Variants in PSTPIP2 observed in about 807,000 individuals in gnomAD.
The protein encoded by PSTPIP2 is proline-serine-threonine phosphatase interacting protein 2.
A neutral mutation model predicts 63.3 loss-of-function variants in PSTPIP2; 33 were observed. The ratio of observed to expected loss-of-function variants is 0.52; its 90% CI spans 0.40 to 0.70. The LOEUF is 0.70. Ranked by LOEUF, PSTPIP2 falls within the 30% of genes least tolerant of loss-of-function variation. PSTPIP2 has a pLI of 0.00. For missense variants in PSTPIP2, 312 were observed against 400.7 expected (o/e 0.78, Z 1.89); for synonymous variants, 125 against 132.7 (o/e 0.94, Z 0.40).
chr18:45,998,896 G>A (rs1009761173), intron 7 of PSTPIP2, 57 bp from the exon 8 acceptor site: 2 of 1,580,950 alleles, frequency 1.3e-6, no homozygotes, highest in African/African-American at 2.7e-5. Context: ...GCTGGACGAG[G>A]CTTCCACAGG....
At chr18:46,043,844 T>C (rs1415023900) in intron 1 of PSTPIP2, among the ~76,000 whole-genome samples, 2 of 152,060 alleles carry the variant, frequency 1.3e-5, no homozygotes, top group Admixed American at 1.3e-4. Flanking sequence ...TATTTCTATA[T>C]ACCGGTGGAA....
At chr18:46,028,761 A>T (rs1052567617) in intron 2 of PSTPIP2, 1 of 1,043,700 alleles carries the variant, frequency 9.6e-7, no homozygotes, top group African/African-American at 1.6e-5. Context: ...TTTAAGAAGA[A>T]TTCCAGCATG....
chr18:45,998,893 G>A lies in PSTPIP2; in HGVS notation c.517-54C>T, dbSNP rs118023312. ...AGAGCAAGCATTGGGAATGCTGGACGAGGCTTCCACAGGCAAAACAGATTG... is the reference window on the plus strand; with the variant it reads ...AGAGCAAGCATTGGGAATGCTGGACAAGGCTTCCACAGGCAAAACAGATTG... On this transcript the variant is annotated intron_variant, in intron 7 of 14. Coordinates refer to ENST00000409746, the MANE Select transcript of PSTPIP2 (RefSeq NM_024430.4). The A allele has an allele frequency of 5.2e-3, 8,303 of 1,600,136 alleles. 33 individuals carry two copies. Among genetic ancestry groups the A allele is most frequent in the Non-Finnish European group, 6.2e-3 (7,272 of 1,168,852 alleles).
chr18:45,988,731 G>C lies in PSTPIP2; in HGVS notation c.984C>G (p.Asp328Glu), dbSNP rs1262749633. The C allele has an allele frequency of 3.8e-6, 6 of 1,565,998 alleles. No individual in the cohort carries two copies. The South Asian group carries it at 6.7e-5, about 17-fold the overall frequency. ...GATTTTACTGATAGAGCAAACTGTA[G>C]TCATCAACCAAAGAGTAATTGGGAT... ...PDDPNYSLVD[D>E]YSLLYQ is the part of the protein sequence containing the mutation. The change falls in exon 14 of 15, where the codon GAC becomes GAG. Residue 328 changes from aspartate to glutamate, a missense_variant. Asp to Glu is a conservative substitution (Grantham distance 45). Transcript: ENST00000409746.
chr18:46,004,428 G>A (rs546684687), intron 6 of PSTPIP2, among the ~76,000 whole-genome samples: 1 of 152,136 alleles, frequency 6.6e-6, no homozygotes, highest in East Asian at 1.9e-4. Flanking sequence ...CTAGCAACTT[G>A]TCCAATCTCT....
rs1306931177 is a variant in PSTPIP2 at position 45,984,114 on chromosome 18, C to G, written c.*1345G>C. The G allele has an allele frequency of 6.6e-6, 1 of 152,100 alleles. No homozygotes were observed. The highest frequency in any genetic ancestry group is 2.4e-5 in the African/African-American group (1 of 41,402). 9.4% of individuals were successfully genotyped at this position (152,100 alleles called of 1,614,324 possible). A position where few individuals can be genotyped will look rare whatever the true frequency, so the allele number is the denominator to read the frequency against. ...AGTGAGCTGAGATCATGCCGCTGCA[C>G]TTCAGCCTGGGGGACAGAGAGAGAC... On this transcript the variant is annotated 3_prime_UTR_variant, in exon 15 of 15. Coordinates refer to ENST00000409746, the MANE Select transcript of PSTPIP2 (RefSeq NM_024430.4).
intron 2 of PSTPIP2, among the ~76,000 whole-genome samples, chr18:46,035,146 G>T (rs765926890): frequency 1.3e-5 from 2 of 152,094 alleles, no homozygotes; most frequent in Non-Finnish European, 2.9e-5. Flanking sequence ...ATAAGGTCGG[G>T]CATGGTGGCT....
rs879368664 is a variant in PSTPIP2, at chr18:46,009,015, G to A, written c.354+2166C>T. Among the ~76,000 whole-genome samples the A allele has an allele frequency of 6.6e-5, 10 of 152,072 alleles. No homozygotes were observed. The South Asian group carries it at 8.3e-4, about 13-fold the overall frequency. ...TGTTCCCACTGTGTGTTCAGATAGC[G>A]TCTTCCTCCCCCCCATCATGTAAGG... On this transcript the variant is annotated intron_variant, in intron 5 of 14. Coordinates refer to ENST00000409746, the MANE Select transcript of PSTPIP2 (RefSeq NM_024430.4).
chr18:46,002,940 T>A (rs990703041), intron 6 of PSTPIP2, among the ~76,000 whole-genome samples: 1 of 152,234 alleles, frequency 6.6e-6, no homozygotes, highest in Non-Finnish European at 1.5e-5. Context: ...CTTTCTGGTA[T>A]GAAGAGTGAT....
intron 9 of PSTPIP2, among the ~76,000 whole-genome samples, chr18:45,996,712 CT>C (rs2051598744): frequency 6.6e-6 from 1 of 151,992 alleles, no homozygotes; most frequent in African/African-American, 2.4e-5. Flanking sequence ...GGAAGGATTG[CT>C]TGAGACCCAG....
chr18:46,021,755 G>A (rs1907361585), intron 3 of PSTPIP2, among the ~76,000 whole-genome samples: 1 of 142,182 alleles, frequency 7.0e-6, no homozygotes, highest in Non-Finnish European at 1.5e-5. Context: ...AGACCAGCCT[G>A]ACCAACGTGG....
chr18:46,037,908 A>C (rs561746024), intron 2 of PSTPIP2, among the ~76,000 whole-genome samples: 2 of 152,228 alleles, frequency 1.3e-5, no homozygotes, highest in South Asian at 4.1e-4. Context: ...ATAATCAACA[A>C]TTTTTATTCT....
At chr18:46,010,253 T>C (rs1206005590) in intron 5 of PSTPIP2, among the ~76,000 whole-genome samples, 2 of 152,198 alleles carry the variant, frequency 1.3e-5, no homozygotes, top group Non-Finnish European at 2.9e-5. Context: ...TTATCAGATA[T>C]GCTCATTGCA....
At chr18:46,060,091 T>G (rs1029785665) in intron 1 of PSTPIP2, among the ~76,000 whole-genome samples, 8 of 152,212 alleles carry the variant, frequency 5.3e-5, no homozygotes, top group African/African-American at 1.9e-4. Flanking sequence ...AATAACTTTC[T>G]TTTAAACTTA....
chr18:46,056,869 AG>A (rs1312306077), intron 1 of PSTPIP2, among the ~76,000 whole-genome samples: 1 of 152,164 alleles, frequency 6.6e-6, no homozygotes, highest in African/African-American at 2.4e-5. Flanking sequence ...TGGGAGGCCA[AG>A]GTGGGCAGAT....
At chr18:46,039,866 A>G in intron 2 of PSTPIP2, 81 bp downstream of exon 2, 1 of 1,245,546 alleles carries the variant, frequency 8.0e-7, no homozygotes, top group Non-Finnish European at 1.2e-6. Flanking sequence ...TTAAACACAA[A>G]TGAAAAAAAG....
intron 6 of PSTPIP2, 100 bp from the exon 7 acceptor site, chr18:45,999,634 C>A: frequency 8.8e-7 from 1 of 1,137,592 alleles, no homozygotes; most frequent in South Asian, 1.3e-5. Context: ...ACAGGGCCGT[C>A]TGATTAGTGC....
At chr18:46,067,026 T>A (rs1308499843) in intron 1 of PSTPIP2, among the ~76,000 whole-genome samples, 1 of 76,436 alleles carries the variant, frequency 1.3e-5, no homozygotes, top group African/African-American at 5.4e-5. Context: ...AAACTCCATC[T>A]CAAAAAAAAA....
intron 1 of PSTPIP2, among the ~76,000 whole-genome samples, chr18:46,052,140 G>A (rs1344863623): frequency 2.6e-5 from 4 of 152,200 alleles, no homozygotes; most frequent in Non-Finnish European, 2.9e-5. Flanking sequence ...AAGCAAGCCA[G>A]GTCAAACAAC....
Sources: gnomAD v4.1 joint callset for allele counts (sites outside exome capture counted in the v4.1 genomes callset) on GRCh38, gnomAD v4.1.1 for gene constraint, MANE v1.5 for transcripts, NCBI Gene and HGNC (gene_info 2026-07-23, HGNC 2026-07-21) for gene names.